Variants in PTPRG observed in about 807,000 individuals in gnomAD.
PTPRG encodes the protein receptor-type tyrosine-protein phosphatase gamma.
Under a neutral mutation model 165.3 loss-of-function variants are expected in PTPRG, and 102 were observed. The ratio of observed to expected loss-of-function variants is 0.62; its 90% CI spans 0.53 to 0.73. The LOEUF (loss-of-function observed/expected upper bound fraction) is 0.73. Among genes scored for constraint, PTPRG ranks in the 30% least tolerant of loss-of-function variants. The pLI is 0.00. For missense variants in PTPRG, 1,866 were observed against 1,861.4 expected (o/e 1.00, Z -0.05); for synonymous variants, 675 against 669.5 (o/e 1.01, Z -0.13).
At chr3:61,658,806 G>A (rs576204200) in intron 1 of PTPRG, among the ~76,000 whole-genome samples, 205 of 152,264 alleles carry the variant, frequency 1.3e-3, no homozygotes, top group African/African-American at 4.5e-3. Context: ...TCCCAGGTCC[G>A]TATTTTTTGG....
intron 2 of PTPRG, among the ~76,000 whole-genome samples, chr3:61,959,395 G>A (rs948067553): frequency 5.9e-5 from 9 of 152,172 alleles, no homozygotes; most frequent in African/African-American, 2.2e-4. Context: ...TTCCATGGGG[G>A]GATGGTTTTG....
At chr3:61,639,784 T>C (rs1406284159) in intron 1 of PTPRG, among the ~76,000 whole-genome samples, 2 of 152,188 alleles carry the variant, frequency 1.3e-5, no homozygotes, top group Admixed American at 1.3e-4. Context: ...ATACTGAAGT[T>C]GTTTATCAGT....
intron 6 of PTPRG, among the ~76,000 whole-genome samples, chr3:62,152,685 G>A (rs944304511): frequency 6.6e-6 from 1 of 152,200 alleles, no homozygotes; most frequent in Non-Finnish European, 1.5e-5. Context: ...GGAAAAAGTC[G>A]AGAGTTAATT....
chr3:61,796,548 G>C (rs1411566463), intron 2 of PTPRG, among the ~76,000 whole-genome samples: 1 of 152,196 alleles, frequency 6.6e-6, no homozygotes, highest in Admixed American at 6.5e-5. Context: ...GTGGTGCTTT[G>C]TGTGCAAGTT....
chr3:61,635,615 G>T (rs371372862), intron 1 of PTPRG, among the ~76,000 whole-genome samples: 27 of 152,046 alleles, frequency 1.8e-4, no homozygotes, highest in African/African-American at 6.5e-4. Context: ...CCAAAGTGCT[G>T]GGATTACACA....
rs929337025 is a variant in PTPRG at position 61,917,977 on chromosome 3, A to T, written c.191-71648A>T. On this transcript the variant is annotated intron_variant, in intron 2 of 29. Coordinates refer to ENST00000474889, the MANE Select transcript of PTPRG (RefSeq NM_002841.4). ...TAAATAAAAGAAGAAGAAGAGGAAG[A>T]ATCCAAGCAGGCATTGATAAAGGAC... Among the ~76,000 whole-genome samples, 130 of 152,160 alleles carry T rather than the reference A, an allele frequency of 8.5e-4. 11 individuals are homozygous for T. The highest frequency in any genetic ancestry group is 5.9e-5 in the Non-Finnish European group (4 of 68,030).
chr3:61,588,170 A>G (rs1046364490), intron 1 of PTPRG, among the ~76,000 whole-genome samples: 17 of 152,074 alleles, frequency 1.1e-4, no homozygotes, highest in African/African-American at 2.9e-4. Flanking sequence ...GATTCAGGTT[A>G]TTATTTGCTT....
chr3:62,050,076 A>C (rs998821207), intron 4 of PTPRG, among the ~76,000 whole-genome samples: 2 of 152,200 alleles, frequency 1.3e-5, no homozygotes, highest in African/African-American at 4.8e-5. Context: ...TGAGTAGAGA[A>C]ATTGTTAAAA....
At chr3:61,772,582 T>C (rs1244086442) in intron 2 of PTPRG, among the ~76,000 whole-genome samples, 2 of 152,208 alleles carry the variant, frequency 1.3e-5, no homozygotes, top group Non-Finnish European at 2.9e-5. Context: ...TCTTTTCTTT[T>C]TTTAAGCATT....
rs187862463 is a variant in PTPRG, at chr3:61,836,077, A to G, written c.190+87095A>G. On this transcript the variant is annotated intron_variant, in intron 2 of 29. Transcript: ENST00000474889. ...CCCCCCCCACCAAAAAAAAAAATATATATATATATACACACACACACACCT... is the reference window on the plus strand; with the variant it reads ...CCCCCCCCACCAAAAAAAAAAATATGTATATATATACACACACACACACCT... 7.4e-3 allele frequency among the ~76,000 whole-genome samples: 1,038 copies of G among 140,390 alleles called. 9 individuals carry two copies. The highest frequency in any genetic ancestry group is 0.012 in the Non-Finnish European group (767 of 64,700). The allele number at this position is 140,390 out of a possible 152,430, so 92.1% of individuals were successfully genotyped here.
intron 4 of PTPRG, among the ~76,000 whole-genome samples, chr3:62,021,254 G>A (rs571369666): frequency 4.6e-5 from 7 of 152,140 alleles, no homozygotes; most frequent in Middle Eastern, 3.4e-3. Context: ...TGGACCTTTC[G>A]GCTCTTTCTG....
In PTPRG at chr3:61,906,778, TGTAGGTAGGTAGGTAG is replaced by T. The variant is rs71123239; in HGVS notation, c.191-82810_191-82795del. 8.2e-3 allele frequency among the ~76,000 whole-genome samples: 1,200 copies of T among 146,968 alleles called. 10 individuals are homozygous for T. Among genetic ancestry groups the T allele is most frequent in the Middle Eastern group, 0.046 (13 of 282 alleles). On this transcript the variant is annotated intron_variant, in intron 2 of 29. Coordinates refer to ENST00000474889, the MANE Select transcript of PTPRG (RefSeq NM_002841.4). ...TGGGCTGGGAGACAGAGTGAGACCC[TGTAGGTAGGTAGGTAG>T]GTAGGTAGGTAGGTAGGTAGGTAGG...
intron 14 of PTPRG, chr3:62,243,428 G>C (rs1406899065): frequency 3.8e-5 from 6 of 156,928 alleles, no homozygotes; most frequent in Non-Finnish European, 7.0e-5. Flanking sequence ...TTTGAACTTG[G>C]TGCTGGGGAT....
At chr3:61,768,482 C>A (rs928496051) in intron 2 of PTPRG, among the ~76,000 whole-genome samples, 4 of 152,118 alleles carry the variant, frequency 2.6e-5, no homozygotes, top group African/African-American at 9.7e-5. Context: ...TGTAGGAAGT[C>A]CCCGGCAAGT....
chr3:62,111,655 T>A (rs1702670640), intron 5 of PTPRG, among the ~76,000 whole-genome samples: 1 of 152,124 alleles, frequency 6.6e-6, no homozygotes, highest in South Asian at 2.1e-4. Flanking sequence ...CACTGTGTTG[T>A]CCAGGCTGGT....
At chr3:62,089,817 GCTAA>G (rs1354764675) in intron 5 of PTPRG, among the ~76,000 whole-genome samples, 5 of 152,274 alleles carry the variant, frequency 3.3e-5, no homozygotes, top group Admixed American at 2.0e-4. Context: ...ATAGAAGAGA[GCTAA>G]CTAATTTAGG....
At chr3:62,084,920 C>A (rs1169839055) in intron 5 of PTPRG, among the ~76,000 whole-genome samples, 1 of 152,152 alleles carries the variant, frequency 6.6e-6, no homozygotes, top group Non-Finnish European at 1.5e-5. Flanking sequence ...AAATACTTAG[C>A]TGAATTTCAT....
Position 61,999,012 on chromosome 3 carries a change from T to A in PTPRG, c.371-4337T>A, listed in dbSNP as rs375409449. The stretch of plus-strand genomic sequence containing the variant: ...ATTCATAGATGATACCTTCTCACAT[T>A]CCATGGTGGAAGGGAAGGCAGCTGG... On this transcript the variant is annotated intron_variant, in intron 3 of 29. Coordinates refer to ENST00000474889, the MANE Select transcript of PTPRG (RefSeq NM_002841.4). Among the ~76,000 whole-genome samples, 48 of 152,240 alleles carry A rather than the reference T, an allele frequency of 3.2e-4. 1 individual carries two copies. Among genetic ancestry groups the A allele is most frequent in the African/African-American group, 1.1e-3 (44 of 41,552 alleles).
At chr3:61,655,713 C>T (rs996303150) in intron 1 of PTPRG, among the ~76,000 whole-genome samples, 2 of 152,148 alleles carry the variant, frequency 1.3e-5, no homozygotes, top group Non-Finnish European at 2.9e-5. Flanking sequence ...TCAAGTGATC[C>T]TCCTGCCTCA....
Sources: allele counts gnomAD v4.1 joint callset (sites outside exome capture counted in the v4.1 genomes callset), GRCh38; gene constraint gnomAD v4.1.1; transcripts MANE v1.5; gene names NCBI Gene and HGNC (gene_info 2026-07-23, HGNC 2026-07-21).